Variants in STRBP observed in about 807,000 individuals in gnomAD.
STRBP encodes the protein spermatid perinuclear RNA binding protein, also known as spermatid perinuclear RNA-binding protein.
Under a neutral mutation model 80.1 loss-of-function variants are expected in STRBP, and 13 were observed. The observed-to-expected ratio is 0.16, with a 90% CI of 0.11 to 0.26. The LOEUF is 0.26. Among genes scored for constraint, STRBP ranks in the 10% least tolerant of loss-of-function variants. STRBP has a pLI of 1.00. For synonymous variants in STRBP, 284 were observed against 291.2 expected, an observed-to-expected ratio of 0.98 and a Z score of 0.25; for missense variants, 485 against 815.2, an observed-to-expected ratio of 0.59 and a Z score of 4.93.
chr9:123,248,330 C>T (rs1258115925), intron 1 of STRBP, among the ~76,000 whole-genome samples: 1 of 143,814 alleles, frequency 7.0e-6, no homozygotes, highest in Non-Finnish European at 1.5e-5. Flanking sequence ...CGCAATGGCA[C>T]GATCTCGGCT....
intron 17 of STRBP, among the ~76,000 whole-genome samples, chr9:123,128,835 CT>C: frequency 6.6e-6 from 1 of 152,272 alleles, no homozygotes; most frequent in East Asian, 1.9e-4. Context: ...CTATGACTTG[CT>C]GATATTTCAA....
intron 2 of STRBP, among the ~76,000 whole-genome samples, chr9:123,220,218 T>C (rs1402591892): frequency 6.6e-6 from 1 of 152,252 alleles, no homozygotes; most frequent in East Asian, 1.9e-4. Context: ...ATGCATTTCT[T>C]AACAAAAGTG....
At chr9:123,238,337 C>G (rs763424732) in intron 1 of STRBP, among the ~76,000 whole-genome samples, 1 of 152,182 alleles carries the variant, frequency 6.6e-6, no homozygotes, top group Non-Finnish European at 1.5e-5. Flanking sequence ...GAGGTGATCA[C>G]GTATCAATAA....
intron 2 of STRBP, among the ~76,000 whole-genome samples, chr9:123,191,975 C>T (rs1442319659): frequency 6.6e-6 from 1 of 152,108 alleles, no homozygotes; most frequent in Non-Finnish European, 1.5e-5. Context: ...TGATCATATT[C>T]TGGATATATT....
intron 2 of STRBP, among the ~76,000 whole-genome samples, chr9:123,236,020 CAACTT>C (rs1301785994): frequency 1.3e-5 from 2 of 152,210 alleles, no homozygotes; most frequent in African/African-American, 4.8e-5. Context: ...ACAAACTCTA[CAACTT>C]AACATGCACT....
intron 1 of STRBP, among the ~76,000 whole-genome samples, chr9:123,258,585 C>T (rs537086774): frequency 2.0e-5 from 3 of 152,098 alleles, no homozygotes; most frequent in East Asian, 1.9e-4. Context: ...GGGCGGATCA[C>T]GAGGTCAGGA....
Position 123,125,436 on chromosome 9 carries a change from A to C in STRBP, c.*161T>G. On this transcript the variant is annotated 3_prime_UTR_variant, in exon 19 of 19. Coordinates refer to ENST00000348403, the MANE Select transcript of STRBP (RefSeq NM_018387.5). ...TTTTTTTTTTTTCAAGTTTTAGAGA[A>C]CTAAATTTGCATTTGTTAAAATCAA... 7.9e-7 allele frequency: 1 copy of C among 1,258,138 alleles called. No homozygotes were observed. Among genetic ancestry groups the C allele is most frequent in the Non-Finnish European group, 1.0e-6 (1 of 999,602 alleles). The allele number at this position is 1,258,138 out of a possible 1,614,324, so 77.9% of individuals were successfully genotyped here.
In STRBP at chr9:123,126,145, G is replaced by A. The variant is rs183221285; in HGVS notation, c.1943-472C>T. Among the ~76,000 whole-genome samples, 1 of 152,348 alleles carries A rather than the reference G, an allele frequency of 6.6e-6. No homozygotes were observed. The highest frequency in any genetic ancestry group is 2.4e-5 in the African/African-American group (1 of 41,584). On this transcript the variant is annotated intron_variant, in intron 18 of 18. Coordinates refer to ENST00000348403, the MANE Select transcript of STRBP (RefSeq NM_018387.5). The surrounding 1 kb of genome is among the most constrained non-coding windows in gnomAD (Gnocchi z 4.4). ...AATGGCTATGGCCAATATTGGCATG[G>A]CAAATCTGGAAAGATTAATTACTTT...
At chr9:123,178,914 C>T in intron 4 of STRBP, 93 bp downstream of exon 4, 1 of 1,233,820 alleles carries the variant, frequency 8.1e-7, no homozygotes, top group Non-Finnish European at 1.2e-6. Context: ...AAGACAAAAT[C>T]CAAAAAACAG....
chr9:123,177,410 T>C (rs1163416154), intron 4 of STRBP, among the ~76,000 whole-genome samples: 2 of 151,900 alleles, frequency 1.3e-5, no homozygotes, highest in Non-Finnish European at 2.9e-5. Flanking sequence ...CAAACGAAAT[T>C]CTTTTTTTTT....
At position 123,123,667 on chromosome 9, in the gene STRBP, C is replaced by T; in HGVS notation, c.*1930G>A. 1.0e-6 allele frequency: 1 copy of T among 985,374 alleles called. No individual in the cohort carries two copies. Among genetic ancestry groups the T allele is most frequent in the Non-Finnish European group, 1.2e-6 (1 of 829,936 alleles). The allele number at this position is 985,374 out of a possible 1,614,324, so 61.0% of individuals were successfully genotyped here. ...GAGTCAGCTACTTCAAAAGAATTTT[C>T]TAACGAGAAATATCTAGAGATTCCA... On this transcript the variant is annotated 3_prime_UTR_variant, in exon 19 of 19. Coordinates refer to ENST00000348403, the MANE Select transcript of STRBP (RefSeq NM_018387.5).
chr9:123,220,180 A>T (rs1049854421), intron 2 of STRBP, among the ~76,000 whole-genome samples: 8 of 152,244 alleles, frequency 5.3e-5, no homozygotes, highest in African/African-American at 1.9e-4. Flanking sequence ...CATTATTTTT[A>T]AAATGACAAA....
At chr9:123,176,464 T>C (rs1171369722) in intron 4 of STRBP, among the ~76,000 whole-genome samples, 1 of 152,210 alleles carries the variant, frequency 6.6e-6, no homozygotes, top group Non-Finnish European at 1.5e-5. Flanking sequence ...TTAAGCAAGT[T>C]AAAGTTTGTT....
At chr9:123,190,675 CA>C (rs1564283290) in intron 2 of STRBP, among the ~76,000 whole-genome samples, 1 of 152,174 alleles carries the variant, frequency 6.6e-6, no homozygotes, top group Non-Finnish European at 1.5e-5. Flanking sequence ...ACGGTATGTA[CA>C]AAGAAGATGC....
rs534015374 is a variant in STRBP, at chr9:123,123,677, A to C, written c.*1920T>G. 3.0e-6 allele frequency: 3 copies of C among 985,444 alleles called. No individual in the cohort carries two copies. Among genetic ancestry groups the C allele is most frequent in the African/African-American group, 3.5e-5 (2 of 57,358 alleles). 61.0% of individuals were successfully genotyped at this position (985,444 alleles called of 1,614,324 possible). On this transcript the variant is annotated 3_prime_UTR_variant, in exon 19 of 19. Coordinates refer to ENST00000348403, the MANE Select transcript of STRBP (RefSeq NM_018387.5). ...CTTCAAAAGAATTTTCTAACGAGAA[A>C]TATCTAGAGATTCCAACGTGGAATC...
intron 1 of STRBP, among the ~76,000 whole-genome samples, chr9:123,263,897 T>C (rs967007532): frequency 6.6e-5 from 10 of 152,224 alleles, no homozygotes; most frequent in Non-Finnish European, 1.3e-4. Context: ...GAATTGAATT[T>C]GGCTGGGCGC....
At position 123,147,755 on chromosome 9, in the gene STRBP, A is replaced by G. The variant is rs374607850; in HGVS notation, c.1138+23T>C. ...TACAAGTCCTCTCTAGTTTGCATCT[A>G]TAAGAATAAAGGTTTTACACACTTT... On this transcript the variant is annotated intron_variant, in intron 12 of 18. Transcript: ENST00000348403. The G allele has an allele frequency of 1.8e-4, 289 of 1,579,660 alleles. 1 individual carries two copies. In the African/African-American group the frequency reaches 3.3e-3, roughly 18 times the overall value.
At chr9:123,169,252 T>A (rs1249228082) in intron 6 of STRBP, among the ~76,000 whole-genome samples, 1 of 150,048 alleles carries the variant, frequency 6.7e-6, no homozygotes, top group African/African-American at 2.5e-5. Flanking sequence ...CACTGCAACC[T>A]CCGCTTCCTG....
At chr9:123,214,517 T>C (rs185577585) in intron 2 of STRBP, among the ~76,000 whole-genome samples, 46 of 152,178 alleles carry the variant, frequency 3.0e-4, no homozygotes, top group Admixed American at 1.2e-3. Context: ...TTATTAAAAA[T>C]TAAGAAAATA....
Sources: allele counts gnomAD v4.1 joint callset (sites outside exome capture counted in the v4.1 genomes callset), GRCh38; gene constraint gnomAD v4.1.1; non-coding constraint Gnocchi (gnomAD v3.1); transcripts MANE v1.5; gene names NCBI Gene and HGNC (gene_info 2026-07-23, HGNC 2026-07-21).